Variants in CYBA observed in about 807,000 individuals in gnomAD.
CYBA encodes the protein cytochrome b-245 alpha chain.
A neutral mutation model predicts 20.8 loss-of-function variants in CYBA; 21 were observed. The ratio of observed to expected loss-of-function variants is 1.01; its 90% confidence interval spans 0.72 to 1.46. The LOEUF is 1.46. Among genes scored for constraint, CYBA ranks in the 40% most tolerant of loss-of-function variants. The pLI, the probability that CYBA is intolerant of heterozygous loss-of-function variation, is 0.00. For synonymous variants in CYBA, 164 were observed against 127.5 expected, an observed-to-expected ratio of 1.29 and a Z score of -1.93; for missense variants, 344 against 287.0, an observed-to-expected ratio of 1.20 and a Z score of -1.43.
rs185846992 is a variant in CYBA, at chr16:88,648,119, G to A, written c.59-5C>T. 9.7e-5 allele frequency: 156 copies of A among 1,609,364 alleles called. 2 individuals are homozygous for A. The South Asian group carries it at 1.3e-3, about 13-fold the overall frequency. On this transcript the variant is annotated splice_polypyrimidine_tract_variant and splice_region_variant and intron_variant, in intron 1 of 5. Coordinates refer to ENST00000261623, the MANE Select transcript of CYBA (RefSeq NM_000101.4). Reference sequence around the variant, plus strand: ...CGATGCCCCCGGTGATGAGGACTGCGGGGAGAAGTGGGTCAGGCACTGTGG... The same window carrying A: ...CGATGCCCCCGGTGATGAGGACTGCAGGGAGAAGTGGGTCAGGCACTGTGG...
intron 5 of CYBA, chr16:88,645,631 G>A (rs1261736044): frequency 4.0e-5 from 24 of 594,548 alleles, no homozygotes; most frequent in Non-Finnish European, 6.6e-5. Context: ...CATGGGATGG[G>A]CAGCCTTCTA....
chr16:88,643,592 G>C lies in CYBA; in HGVS notation c.370-21C>G, dbSNP rs984038028. The C allele has an allele frequency of 3.9e-6, 6 of 1,529,994 alleles. No homozygotes were observed. Among genetic ancestry groups the C allele is most frequent in the Non-Finnish European group, 4.4e-6 (5 of 1,143,710 alleles). 94.8% of individuals were successfully genotyped at this position (1,529,994 alleles called of 1,614,324 possible). ...GCCGCCTGCGGGGCACTGAAGGGTT[G>C]AGCCGCGCCCCAGCGCCCGCCCTCC... On this transcript the variant is annotated intron_variant, in intron 5 of 5. Transcript: ENST00000261623. The surrounding 1 kb of genome is among the most constrained non-coding windows in gnomAD (Gnocchi z 4.3).
intron 5 of CYBA, chr16:88,645,353 C>A (rs1472622361): frequency 4.3e-6 from 3 of 702,352 alleles, no homozygotes; most frequent in African/African-American, 1.7e-5. Flanking sequence ...AAGTGCTGCA[C>A]CTTTCCCACG....
At chr16:88,644,625 ACCATCCTGGCTAACG>A (rs1322528908) in intron 5 of CYBA, 1 of 162,634 alleles carries the variant, frequency 6.1e-6, no homozygotes, top group Non-Finnish European at 1.4e-5. Flanking sequence ...GGAGATCCAG[ACCATCCTGGCTAACG>A]CGGTGAAACC....
In CYBA at chr16:88,647,107, T is replaced by G; in HGVS notation, c.197A>C (p.Glu66Ala). Residue 66 changes from glutamate to alanine, a missense_variant, in exon 3 of 6, where the codon GAG (glutamate) becomes GCG (alanine). Transcript: ENST00000261623. ...RGKRKKGSTM[E>A]RWGQKYMTAV... ...AGAGCAGGAGGAGACTCACCAGCGC[T>G]CCATGGTGGAGCCCTTCTTCCTCTT... 1 of 1,610,822 alleles carries G rather than the reference T, an allele frequency of 6.2e-7. No individual in the cohort carries two copies. Among genetic ancestry groups the G allele is most frequent in the East Asian group, 2.2e-5 (1 of 44,844 alleles).
At chr16:88,649,194 C>T (rs1410708388) in intron 1 of CYBA, among the ~76,000 whole-genome samples, 17 of 152,220 alleles carry the variant, frequency 1.1e-4, no homozygotes, top group Non-Finnish European at 1.5e-5. Flanking sequence ...GCCTTGGCCT[C>T]CCAAAGTGCT....
Position 88,643,366 on chromosome 16 carries a change from T to A in CYBA, c.575A>T (p.Asp192Val). 2.6e-6 allele frequency: 4 copies of A among 1,527,100 alleles called. No individual in the cohort carries two copies. Among genetic ancestry groups the A allele is most frequent in the Non-Finnish European group, 3.5e-6 (4 of 1,139,504 alleles). The allele number at this position is 1,527,100 out of a possible 1,614,324, so 94.6% of individuals were successfully genotyped here. A position where few individuals can be genotyped will look rare whatever the true frequency, so the allele number is the denominator to read the frequency against. Residue 192 changes from aspartate to valine, a missense_variant, in exon 6 of 6, where the codon GAC becomes GTC. Physicochemically the swap from Asp to Val is radical, Grantham distance 152. Coordinates refer to ENST00000261623, the MANE Select transcript of CYBA (RefSeq NM_000101.4). The surrounding 1 kb of genome is among the most constrained non-coding windows in gnomAD (Gnocchi z 4.3). ...GPQVNPIPVTDEVV is the reference protein window; with the variant it reads ...GPQVNPIPVTVEVV ...TCCGGGGCGAGGTCACACGACCTCG[T>A]CGGTCACCGGGATGGGGTTGACCTG...
chr16:88,646,739 C>G lies in CYBA; in HGVS notation c.287+16G>C, dbSNP rs764179630. ...GCCCTCCTGAGCCCTAGAGGGGGTG[C>G]GGGACGGGGACTCACAGGAGATGCA... On this transcript the variant is annotated intron_variant, in intron 4 of 5. Transcript: ENST00000261623. 2 of 1,609,438 alleles carry G rather than the reference C, an allele frequency of 1.2e-6. No individual in the cohort carries two copies. Among genetic ancestry groups the G allele is most frequent in the East Asian group, 4.5e-5 (2 of 44,868 alleles).
At chr16:88,646,474 C>A (rs754189729) in intron 4 of CYBA, 2 of 697,128 alleles carry the variant, frequency 2.9e-6, no homozygotes, top group South Asian at 1.5e-5. Context: ...GAACCCTCCA[C>A]CCTACCAGGA....
intron 1 of CYBA, chr16:88,650,418 C>T: frequency 2.2e-6 from 1 of 457,594 alleles, no homozygotes; most frequent in South Asian, 1.5e-5. Flanking sequence ...CTGGGCAGGG[C>T]CGTCACTGGG....
intron 4 of CYBA, 37 bp downstream of exon 4, chr16:88,646,716 CCT>C (rs1307781999): frequency 6.4e-7 from 1 of 1,572,294 alleles, no homozygotes; most frequent in Non-Finnish European, 8.8e-7. Flanking sequence ...GGCTCCAAGC[CCT>C]CCTGAGCCCT....
At position 88,646,046 on chromosome 16, in the gene CYBA, T is replaced by TG. The variant is rs1436981537; in HGVS notation, c.369+69dup. 4.6e-6 allele frequency: 6 copies of TG among 1,307,396 alleles called. No individual in the cohort carries two copies. In the African/African-American group the frequency reaches 8.8e-5, roughly 19 times the overall value. 81.0% of individuals were successfully genotyped at this position (1,307,396 alleles called of 1,614,324 possible). On this transcript the variant is annotated intron_variant, in intron 5 of 5. Transcript: ENST00000261623. ...CAGAGCCGGCTTCAAGGGCCATGCG[T>TG]GTCCGAGGGTGTCAGGGCAGGGGCT...
At chr16:88,645,645 G>A (rs956177956) in intron 5 of CYBA, 6 of 590,948 alleles carry the variant, frequency 1.0e-5, no homozygotes, top group African/African-American at 9.3e-5. Context: ...CCTTCTAACA[G>A]GGTGCAGCAG....
intron 5 of CYBA, chr16:88,645,386 G>A: frequency 2.8e-6 from 2 of 702,464 alleles, no homozygotes; most frequent in Non-Finnish European, 5.2e-6. Flanking sequence ...AAGACGCACA[G>A]CAAGGGGAGG....
chr16:88,650,884 C>G, intron 1 of CYBA, 72 bp downstream of exon 1: 1 of 1,485,164 alleles, frequency 6.7e-7, no homozygotes, highest in Non-Finnish European at 9.2e-7. Flanking sequence ...CTGTAAGTAG[C>G]CCGAGGTCCC....
At chr16:88,645,509 A>G in intron 5 of CYBA, 1 of 682,144 alleles carries the variant, frequency 1.5e-6, no homozygotes, top group East Asian at 2.7e-5. Context: ...GGTGGCCTGC[A>G]GCCGTCTGTT....
chr16:88,643,624 C>G lies in CYBA; in HGVS notation c.370-53G>C. ...GCCCCAGCGCCCGCCCTCCCTCCCT[C>G]CCTCCCTCCCCGGAGGCCCACCCCG... is the stretch of plus-strand genomic sequence containing the variant. On this transcript the variant is annotated intron_variant, in intron 5 of 5. Transcript: ENST00000261623. This position sits in a 1 kb window ranked among gnomAD's most constrained non-coding sequence, Gnocchi z 4.3. 3.4e-6 allele frequency: 5 copies of G among 1,488,008 alleles called. No individual in the cohort carries two copies. The highest frequency in any genetic ancestry group is 1.4e-5 in the African/African-American group (1 of 71,368). The allele number at this position is 1,488,008 out of a possible 1,614,324, so 92.2% of individuals were successfully genotyped here.
At position 88,643,607 on chromosome 16, in the gene CYBA, G is replaced by A. The variant is rs996026272; in HGVS notation, c.370-36C>T. ...CTGAAGGGTTGAGCCGCGCCCCAGC[G>A]CCCGCCCTCCCTCCCTCCCTCCCTC... On this transcript the variant is annotated intron_variant, in intron 5 of 5. Transcript: ENST00000261623. The surrounding 1 kb of genome is among the most constrained non-coding windows in gnomAD (Gnocchi z 4.3). 17 of 1,510,088 alleles carry A rather than the reference G, an allele frequency of 1.1e-5. No homozygotes were observed. The highest frequency in any genetic ancestry group is 2.3e-4 in the Middle Eastern group (1 of 4,318). The allele number at this position is 1,510,088 out of a possible 1,614,324, so 93.5% of individuals were successfully genotyped here. A position where few individuals can be genotyped will look rare whatever the true frequency, so the allele number is the denominator to read the frequency against.
rs72550703 is a variant in CYBA at position 88,649,174 on chromosome 16, T to C, written c.59-1060A>G. ...GGATGGTCTCGATCTCCTGACCTCG[T>C]GATCCGCCCGCCTTGGCCTCCCAAA... On this transcript the variant is annotated intron_variant, in intron 1 of 5. Coordinates refer to ENST00000261623, the MANE Select transcript of CYBA (RefSeq NM_000101.4). 3.3e-3 allele frequency among the ~76,000 whole-genome samples: 489 copies of C among 148,708 alleles called. 2 individuals are homozygous for C. Among genetic ancestry groups the C allele is most frequent in the African/African-American group, 0.012 (467 of 40,300 alleles).
Sources: allele counts gnomAD v4.1 joint callset (sites outside exome capture counted in the v4.1 genomes callset), GRCh38; gene constraint gnomAD v4.1.1; non-coding constraint Gnocchi (gnomAD v3.1); transcripts MANE v1.5; gene names NCBI Gene and HGNC (gene_info 2026-07-23, HGNC 2026-07-21).